The following SLC10A2 variants were observed in gnomAD, a reference collection of about 807,000 sequenced individuals.
SLC10A2 encodes solute carrier family 10 member 2, also known as ileal sodium/bile acid cotransporter.
SLC10A2 carries 34 observed loss-of-function variants against 27.1 expected under a neutral mutation model. The observed-to-expected ratio is 1.26, with a 90% confidence interval of 0.96 to 1.67. The LOEUF (loss-of-function observed/expected upper bound fraction) is 1.67, where lower values mean the gene tolerates loss of function less well. Ranked by LOEUF, SLC10A2 falls within the 40% of genes most tolerant of loss-of-function variation. The pLI, the probability that SLC10A2 is intolerant of heterozygous loss-of-function variation, is 0.00. For synonymous variants in SLC10A2, 205 were observed against 174.0 expected (o/e 1.18, Z -1.40); for missense variants, 530 against 444.4 (o/e 1.19, Z -1.73).
At chr13:103,060,057 T>G (rs1019438560) in intron 1 of SLC10A2, among the ~76,000 whole-genome samples, 1 of 152,202 alleles carries the variant, frequency 6.6e-6, no homozygotes, top group African/African-American at 2.4e-5. Context: ...GCTATCTACA[T>G]GGAGACATTA....
At chr13:103,059,833 A>G (rs1427604453) in intron 1 of SLC10A2, among the ~76,000 whole-genome samples, 3 of 152,220 alleles carry the variant, frequency 2.0e-5, no homozygotes, top group African/African-American at 4.8e-5. Context: ...GCCATAAAGC[A>G]GAAAAATTAC....
chr13:103,052,282 G>A (rs902554371), intron 3 of SLC10A2, among the ~76,000 whole-genome samples: 8 of 152,278 alleles, frequency 5.3e-5, no homozygotes, highest in African/African-American at 1.9e-4. Context: ...GTTCAGTGGA[G>A]TGTCTTAAAG....
intron 2 of SLC10A2, 51 bp from the exon 3 acceptor site, chr13:103,052,759 A>G (rs765621053): frequency 2.3e-5 from 26 of 1,108,902 alleles, no homozygotes; most frequent in Non-Finnish European, 3.6e-5. Context: ...GACACAGGAA[A>G]GAGAAAAACA....
In SLC10A2 at chr13:103,058,322, A is replaced by C; in HGVS notation, c.438T>G (p.Leu146=). ...LALGMMPLCL[L]IYTKMWVDSG... ...AGTCGACCCACATTTTGGTATAGAT[A>C]AGGAGGCACAGCGGCATCATTCCGA... The change falls in exon 2 of 6, where the codon CTT becomes CTG. Residue 146 remains leucine, a synonymous_variant. Transcript: ENST00000245312. 2 of 1,613,898 alleles carry C rather than the reference A, an allele frequency of 1.2e-6. No homozygotes were observed. Among genetic ancestry groups the C allele is most frequent in the Non-Finnish European group, 1.7e-6 (2 of 1,179,848 alleles).
intron 2 of SLC10A2, among the ~76,000 whole-genome samples, chr13:103,053,269 G>A (rs1595439446): frequency 6.6e-6 from 1 of 152,148 alleles, no homozygotes; most frequent in Non-Finnish European, 1.5e-5. Flanking sequence ...CTGACTTTTG[G>A]TTAAAACTAG....
intron 1 of SLC10A2, among the ~76,000 whole-genome samples, chr13:103,060,963 G>A (rs540532060): frequency 6.6e-6 from 1 of 152,288 alleles, no homozygotes; most frequent in Admixed American, 6.5e-5. Flanking sequence ...AGTTAAATTT[G>A]CACAGTTTGG....
intron 2 of SLC10A2, among the ~76,000 whole-genome samples, chr13:103,057,299 T>C (rs137946261): frequency 0.013 from 1,978 of 152,350 alleles, 21 homozygotes; most frequent in Non-Finnish European, 0.023. Flanking sequence ...ACTCTCTTGT[T>C]CTTCCTTTGA....
chr13:103,058,084 G>A (rs1169389562), intron 2 of SLC10A2, among the ~76,000 whole-genome samples, 180 bp downstream of exon 2: 2 of 152,070 alleles, frequency 1.3e-5, no homozygotes, highest in African/African-American at 4.8e-5. Context: ...ATAAGGTCAA[G>A]GTTTGGAATT....
intron 2 of SLC10A2, among the ~76,000 whole-genome samples, chr13:103,056,344 T>C (rs901161974): frequency 1.3e-5 from 2 of 152,234 alleles, no homozygotes; most frequent in Admixed American, 1.3e-4. Context: ...TCTTTTCTTT[T>C]CACTCTTGAC....
rs201605544 is a variant in SLC10A2, at chr13:103,045,343, C to T, written c.*790G>A. 1 of 152,204 alleles carries T rather than the reference C, an allele frequency of 6.6e-6. No homozygotes were observed. Among genetic ancestry groups the T allele is most frequent in the African/African-American group, 2.4e-5 (1 of 41,448 alleles). The allele number at this position is 152,204 out of a possible 1,614,324, so 9.4% of individuals were successfully genotyped here. A position where few individuals can be genotyped will look rare whatever the true frequency, so the allele number is the denominator to read the frequency against. ...AGGAAAACCTTGAGGAAGTCCCTCTCCCAGATTTGAAGAGCTCTTTGCCAA... is the reference window on the plus strand; with the variant it reads ...AGGAAAACCTTGAGGAAGTCCCTCTTCCAGATTTGAAGAGCTCTTTGCCAA... On this transcript the variant is annotated 3_prime_UTR_variant, in exon 6 of 6. Transcript: ENST00000245312.
rs114518554 is a variant in SLC10A2 at position 103,056,653 on chromosome 13, C to T, written c.496+1611G>A. On this transcript the variant is annotated intron_variant, in intron 2 of 5. Coordinates refer to ENST00000245312, the MANE Select transcript of SLC10A2 (RefSeq NM_000452.3). ...CTCACGTAAACTATGGTTTTTAGCT[C>T]TATGGAAGGCGTCCGCTGACAGAGC... is the stretch of plus-strand genomic sequence containing the variant. Among the ~76,000 whole-genome samples the T allele has an allele frequency of 2.8e-3, 430 of 152,070 alleles. 1 individual carries two copies. The highest frequency in any genetic ancestry group is 1.0e-2 in the African/African-American group (413 of 41,468).
chr13:103,051,445 G>A lies in SLC10A2; in HGVS notation c.586-13C>T, dbSNP rs200546680. 21 of 1,612,450 alleles carry A rather than the reference G, an allele frequency of 1.3e-5. No homozygotes were observed. The highest frequency in any genetic ancestry group is 1.7e-5 in the Non-Finnish European group (20 of 1,179,038). On this transcript the variant is annotated splice_polypyrimidine_tract_variant and intron_variant, in intron 3 of 5. Coordinates refer to ENST00000245312, the MANE Select transcript of SLC10A2 (RefSeq NM_000452.3). ...CGATGGACCCAATCTGAAAAAAAAA[G>A]GAATAAGTGAACCCAGCAATCATGA...
At chr13:103,057,951 G>A (rs1875987730) in intron 2 of SLC10A2, among the ~76,000 whole-genome samples, 1 of 152,004 alleles carries the variant, frequency 6.6e-6, no homozygotes, top group Admixed American at 6.6e-5. Context: ...GTGACACTCT[G>A]GGTTAAGGAA....
At chr13:103,046,299 A>G (rs201385552) in intron 5 of SLC10A2, 39 bp from the exon 6 acceptor site, 106 of 1,524,856 alleles carry the variant, frequency 7.0e-5, no homozygotes, top group Non-Finnish European at 8.9e-5. Flanking sequence ...AAATTTTATA[A>G]TAATAAACTG....
intron 2 of SLC10A2, among the ~76,000 whole-genome samples, chr13:103,056,367 C>G (rs1595440526): frequency 6.6e-6 from 1 of 151,976 alleles, no homozygotes; most frequent in Non-Finnish European, 1.5e-5. Context: ...CTTATGATGA[C>G]CTTTTCCTCC....
At chr13:103,048,087 T>A (rs1029337833) in intron 5 of SLC10A2, among the ~76,000 whole-genome samples, 1 of 152,054 alleles carries the variant, frequency 6.6e-6, no homozygotes, top group African/African-American at 2.4e-5. Context: ...ACAGGGCAAG[T>A]TGAAGAGCTG....
At chr13:103,049,861 G>T (rs1483769587) in intron 4 of SLC10A2, among the ~76,000 whole-genome samples, 1 of 152,118 alleles carries the variant, frequency 6.6e-6, no homozygotes, top group Non-Finnish European at 1.5e-5. Flanking sequence ...TTTAGGCTGG[G>T]CTAAACAGGT....
At chr13:103,060,168 G>A (rs77082128) in intron 1 of SLC10A2, among the ~76,000 whole-genome samples, 3,915 of 152,158 alleles carry the variant, frequency 0.026, 156 homozygotes, top group African/African-American at 0.089. Context: ...TGTACACAGC[G>A]TACATTCTCT....
chr13:103,065,842 T>A, intron 1 of SLC10A2, 31 bp downstream of exon 1: 1 of 1,613,152 alleles, frequency 6.2e-7, no homozygotes, highest in East Asian at 2.2e-5. Flanking sequence ...TCCAAGGTGA[T>A]TGCAGTAGTT....
Sources: allele counts gnomAD v4.1 joint callset (sites outside exome capture counted in the v4.1 genomes callset), GRCh38; gene constraint gnomAD v4.1.1; transcripts MANE v1.5; gene names NCBI Gene and HGNC (gene_info 2026-07-23, HGNC 2026-07-21).